The following KCNU1 variants were observed in gnomAD, a reference collection of about 807,000 sequenced individuals.
KCNU1 encodes potassium calcium-activated channel subfamily U member 1, also known as potassium channel subfamily U member 1.
Under a neutral mutation model 126.8 loss-of-function variants are expected in KCNU1, and 93 were observed. The observed-to-expected ratio is 0.73, with a 90% CI of 0.62 to 0.87. KCNU1 has a LOEUF of 0.87. Ranked by LOEUF, KCNU1 falls within the 40% of genes least tolerant of loss-of-function variation. The probability of loss-of-function intolerance (pLI) is 0.00; values close to 1 mark genes in which losing one functional copy is unlikely to be tolerated. For missense variants in KCNU1, 1,330 were observed against 1,367.1 expected (o/e 0.97, Z 0.43); for synonymous variants, 523 against 494.2 (o/e 1.06, Z -0.77).
chr8:36,844,080 A>T (rs188482921), intron 16 of KCNU1, among the ~76,000 whole-genome samples: 2,947 of 152,172 alleles, frequency 0.019, 28 homozygotes, highest in Non-Finnish European at 0.028. Flanking sequence ...TTCTCCTTTT[A>T]AAAAAATGAA....
intron 23 of KCNU1, 89 bp from the exon 24 acceptor site, chr8:36,922,400 CA>C (rs1808385445): frequency 7.4e-7 from 1 of 1,344,298 alleles, no homozygotes; most frequent in South Asian, 1.5e-5. Flanking sequence ...ATCTTTTGAT[CA>C]AGTGGTCGCC....
intron 24 of KCNU1, chr8:36,923,036 C>G (rs1196069167): frequency 8.7e-6 from 4 of 458,306 alleles, no homozygotes; most frequent in African/African-American, 2.0e-5. Context: ...GAAGCTCTGG[C>G]CTTTGCTGGT....
chr8:36,791,197 A>G (rs935686510), intron 2 of KCNU1, among the ~76,000 whole-genome samples: 1 of 152,128 alleles, frequency 6.6e-6, no homozygotes, highest in Non-Finnish European at 1.5e-5. Context: ...TAGTGCATCT[A>G]TGGGTTAGGT....
intron 24 of KCNU1, among the ~76,000 whole-genome samples, chr8:36,927,986 A>G (rs13249011): frequency 0.59 from 79,040 of 134,260 alleles, 22,776 homozygotes; most frequent in South Asian, 0.63. Context: ...GAGGAAAGAA[A>G]GATGGAAGGA....
intron 22 of KCNU1, 120 bp downstream of exon 22, chr8:36,911,239 G>A (rs986971507): frequency 4.4e-5 from 32 of 725,366 alleles, no homozygotes; most frequent in Non-Finnish European, 6.5e-5. Context: ...GTCCTCTGAG[G>A]TCCCTTCCAA....
chr8:36,810,029 G>A (rs149501751), intron 7 of KCNU1, among the ~76,000 whole-genome samples: 2 of 152,168 alleles, frequency 1.3e-5, no homozygotes, highest in East Asian at 1.9e-4. Context: ...GAATAGCTTC[G>A]GATCACGAGG....
chr8:36,814,469 G>T, intron 8 of KCNU1, 92 bp downstream of exon 8: 1 of 932,392 alleles, frequency 1.1e-6, no homozygotes. Context: ...AGGTTTAAGA[G>T]TGAATGTTGC....
intron 19 of KCNU1, among the ~76,000 whole-genome samples, chr8:36,876,798 A>G (rs1806293418): frequency 6.6e-6 from 1 of 152,178 alleles, no homozygotes; most frequent in African/African-American, 2.4e-5. Flanking sequence ...TATGGATATA[A>G]AAATGTCAGG....
At chr8:36,849,182 A>T (rs12541633) in intron 18 of KCNU1, among the ~76,000 whole-genome samples, 61,153 of 151,760 alleles carry the variant, frequency 0.4, 12,435 homozygotes, top group Admixed American at 0.45. Context: ...ATTTACCTAT[A>T]CTGGTCATTT....
intron 26 of KCNU1, among the ~76,000 whole-genome samples, chr8:36,934,036 C>T (rs973430922): frequency 1.3e-5 from 2 of 151,928 alleles, no homozygotes; most frequent in African/African-American, 4.8e-5. Flanking sequence ...GATTGGAAAT[C>T]CCAATGCATT....
chr8:36,935,387 T>C (rs893152787), intron 26 of KCNU1, 128 bp from the exon 27 acceptor site: 1 of 704,062 alleles, frequency 1.4e-6, no homozygotes, highest in East Asian at 2.5e-5. Context: ...CAGAAACCCA[T>C]GAAGCAAAAC....
At chr8:36,887,195 CT>C (rs918329601) in intron 19 of KCNU1, among the ~76,000 whole-genome samples, 16 of 152,140 alleles carry the variant, frequency 1.1e-4, no homozygotes, top group Non-Finnish European at 2.1e-4. Context: ...AATGGTAGAT[CT>C]GCTTGTGGTT....
At chr8:36,797,564 C>T (rs915177777) in intron 2 of KCNU1, among the ~76,000 whole-genome samples, 2 of 151,656 alleles carry the variant, frequency 1.3e-5, no homozygotes, top group Middle Eastern at 3.4e-3. Flanking sequence ...ACATTGAAAC[C>T]TAATTTTATC....
chr8:36,860,528 T>G (rs890544380), intron 18 of KCNU1, among the ~76,000 whole-genome samples: 1 of 152,176 alleles, frequency 6.6e-6, no homozygotes, highest in African/African-American at 2.4e-5. Flanking sequence ...TACAGTTCAC[T>G]ACCTGCTATT....
At chr8:36,924,032 T>C (rs1400106977) in intron 24 of KCNU1, among the ~76,000 whole-genome samples, 1 of 152,214 alleles carries the variant, frequency 6.6e-6, no homozygotes, top group Admixed American at 6.5e-5. Flanking sequence ...TATTATTTTA[T>C]TTTTAAACCA....
chr8:36,916,382 G>T (rs1200938287), intron 22 of KCNU1, among the ~76,000 whole-genome samples: 1 of 150,694 alleles, frequency 6.6e-6, no homozygotes, highest in Non-Finnish European at 1.5e-5. Context: ...AGACAGGGAG[G>T]AAATGAGGAA....
intron 23 of KCNU1, 22 bp from the exon 24 acceptor site, chr8:36,922,468 C>A (rs1388923775): frequency 1.2e-6 from 2 of 1,604,880 alleles, no homozygotes; most frequent in Admixed American, 1.7e-5. Flanking sequence ...CTTGTCTTTC[C>A]TTTTTGCCTC....
intron 2 of KCNU1, among the ~76,000 whole-genome samples, chr8:36,798,525 G>C (rs1803188827): frequency 6.6e-6 from 1 of 152,062 alleles, no homozygotes; most frequent in Admixed American, 6.6e-5. Context: ...ACTTAACTAA[G>C]AGTCCAGCAC....
chr8:36,924,862 TC>T (rs369454656), intron 24 of KCNU1, among the ~76,000 whole-genome samples: 7 of 152,174 alleles, frequency 4.6e-5, no homozygotes, highest in African/African-American at 1.4e-4. Flanking sequence ...AAATTGAGAC[TC>T]AATTAAACAC....
Sources: gnomAD v4.1 joint callset for allele counts (sites outside exome capture counted in the v4.1 genomes callset) on GRCh38, gnomAD v4.1.1 for gene constraint, MANE v1.5 for transcripts, NCBI Gene and HGNC (gene_info 2026-07-23, HGNC 2026-07-21) for gene names.